KCNN3: variants seen among roughly 807,000 people sequenced by gnomAD.
KCNN3 encodes small conductance calcium-activated potassium channel protein 3.
In KCNN3, 16 loss-of-function variants were observed where a neutral mutation model predicts 62.9. The ratio of observed to expected loss-of-function variants is 0.25; its 90% CI spans 0.17 to 0.39. KCNN3 has a LOEUF of 0.39. KCNN3 is among the 10% of genes least tolerant of loss of function. The pLI, the probability that KCNN3 is intolerant of heterozygous loss-of-function variation, is 1.00. For synonymous variants in KCNN3, 370 were observed against 389.2 expected (o/e 0.95, Z 0.58); for missense variants, 599 against 949.4 (o/e 0.63, Z 4.85).
At chr1:154,785,334 C>G (rs1320572197) in intron 2 of KCNN3, among the ~76,000 whole-genome samples, 9 of 152,096 alleles carry the variant, frequency 5.9e-5, no homozygotes, top group Non-Finnish European at 8.8e-5. Context: ...GATCTTTGAA[C>G]AGCCTAGGGA....
At position 154,840,300 on chromosome 1, in the gene KCNN3, T is replaced by TG. The variant is rs778518650; in HGVS notation, c.934-18117dup. 1.3e-4 allele frequency among the ~76,000 whole-genome samples: 20 copies of TG among 152,274 alleles called. No individual in the cohort carries two copies. The East Asian group carries it at 3.7e-3, about 28-fold the overall frequency. ...GCTATTAAAAGATCCACTGTGTTTTTGGGGTGGTAAAAAGAAATAGAAATC... is the reference window on the plus strand; with the variant it reads ...GCTATTAAAAGATCCACTGTGTTTTTGGGGGTGGTAAAAAGAAATAGAAATC... On this transcript the variant is annotated intron_variant, in intron 1 of 7. Transcript: ENST00000271915.
At chr1:154,710,523 C>T (rs543256870) in intron 7 of KCNN3, among the ~76,000 whole-genome samples, 37 of 152,306 alleles carry the variant, frequency 2.4e-4, no homozygotes, top group African/African-American at 7.2e-4. Context: ...GGGTTATTTA[C>T]GGCTTAGTTC....
intron 2 of KCNN3, among the ~76,000 whole-genome samples, chr1:154,790,049 C>A (rs1464389560): frequency 6.6e-6 from 1 of 152,184 alleles, no homozygotes; most frequent in Non-Finnish European, 1.5e-5. Flanking sequence ...GCTGGGACTA[C>A]AGGCATGCAC....
chr1:154,861,487 C>A (rs866872718), intron 1 of KCNN3, among the ~76,000 whole-genome samples: 39 of 152,182 alleles, frequency 2.6e-4, no homozygotes, highest in African/African-American at 8.9e-4. Flanking sequence ...CGGCAGCAAC[C>A]TGAAGCTGCC....
intron 1 of KCNN3, among the ~76,000 whole-genome samples, chr1:154,826,556 G>A (rs924465177): frequency 3.4e-5 from 4 of 119,120 alleles, no homozygotes; most frequent in East Asian, 2.6e-4. Context: ...CCATTGCCCC[G>A]CCTGTGTCCC....
In KCNN3 at chr1:154,809,088, C is replaced by A. The variant is rs1468067311; in HGVS notation, c.1029+13001G>T. ...CAGTGGTCATAGCCAGGCCCAGCTG[C>A]TGTGGCTGAGCAGTGTCTCTGAGAA... On this transcript the variant is annotated intron_variant, in intron 2 of 7. Transcript: ENST00000271915. This position sits in a 1 kb window ranked among gnomAD's most constrained non-coding sequence, Gnocchi z 4.3. Among the ~76,000 whole-genome samples the A allele has an allele frequency of 6.6e-6, 1 of 152,228 alleles. No individual in the cohort carries two copies.
At chr1:154,766,560 C>T (rs1648299005) in intron 3 of KCNN3, among the ~76,000 whole-genome samples, 1 of 149,856 alleles carries the variant, frequency 6.7e-6, no homozygotes, top group Non-Finnish European at 1.5e-5. Context: ...CCTGGCCCCA[C>T]TGTTCCCAGG....
intron 3 of KCNN3, among the ~76,000 whole-genome samples, chr1:154,747,735 C>T (rs1283838212): frequency 6.6e-6 from 1 of 152,202 alleles, no homozygotes; most frequent in Non-Finnish European, 1.5e-5. Context: ...AAACTGTTGG[C>T]TGATAGAAGA....
intron 3 of KCNN3, among the ~76,000 whole-genome samples, chr1:154,766,882 C>T (rs535344965): frequency 6.2e-4 from 94 of 152,036 alleles, no homozygotes; most frequent in African/African-American, 1.9e-3. Flanking sequence ...GGGGTTTCAC[C>T]GTGTTAGCCA....
intron 1 of KCNN3, among the ~76,000 whole-genome samples, chr1:154,852,116 C>T (rs1487467527): frequency 6.6e-6 from 1 of 152,210 alleles, no homozygotes; most frequent in Non-Finnish European, 1.5e-5. Flanking sequence ...ATTTTAAGTC[C>T]ATTTCATTTA....
chr1:154,758,770 A>G (rs1297681854), intron 3 of KCNN3, among the ~76,000 whole-genome samples: 1 of 149,518 alleles, frequency 6.7e-6, no homozygotes, highest in Non-Finnish European at 1.5e-5. Flanking sequence ...AGGAGTCTGT[A>G]TTAAATGGAA....
intron 2 of KCNN3, among the ~76,000 whole-genome samples, chr1:154,802,714 C>T (rs886273272): frequency 6.6e-6 from 1 of 152,178 alleles, no homozygotes; most frequent in Admixed American, 6.5e-5. Flanking sequence ...TTCATCAAAA[C>T]CCTCCAGCCA....
chr1:154,832,950 A>C (rs1463800077), intron 1 of KCNN3, among the ~76,000 whole-genome samples: 1 of 152,198 alleles, frequency 6.6e-6, no homozygotes, highest in Non-Finnish European at 1.5e-5. Flanking sequence ...CTATAACTTG[A>C]AATAATGTTG....
At chr1:154,794,076 TCTC>T (rs1353581956) in intron 2 of KCNN3, among the ~76,000 whole-genome samples, 2 of 152,220 alleles carry the variant, frequency 1.3e-5, no homozygotes, top group Admixed American at 6.5e-5. Context: ...GTTGTGCTCA[TCTC>T]CTTCTTGACA....
intron 1 of KCNN3, among the ~76,000 whole-genome samples, chr1:154,833,926 T>C (rs1166742951): frequency 1.3e-5 from 2 of 152,322 alleles, no homozygotes; most frequent in Admixed American, 6.5e-5. Flanking sequence ...AGGGAAATGG[T>C]CTGGAAAAAT....
intron 1 of KCNN3, chr1:154,859,565 C>T: frequency 1.1e-6 from 1 of 893,514 alleles, no homozygotes; most frequent in Admixed American, 1.7e-5. Context: ...GCAGCCTCTC[C>T]CTGCCTCCCT....
chr1:154,771,614 A>G (rs1648562021), intron 3 of KCNN3, among the ~76,000 whole-genome samples: 1 of 152,244 alleles, frequency 6.6e-6, no homozygotes, highest in African/African-American at 2.4e-5. Context: ...TTACTTCAGG[A>G]CTTCTCAGAG....
At chr1:154,755,585 AAAGAAGGG>A (rs1198955950) in intron 3 of KCNN3, among the ~76,000 whole-genome samples, 5 of 116,998 alleles carry the variant, frequency 4.3e-5, no homozygotes, top group East Asian at 3.1e-4. Context: ...AGAAAGAAAG[AAAGAAGGG>A]AGGGAGGGAG....
intron 3 of KCNN3, among the ~76,000 whole-genome samples, chr1:154,750,817 T>G (rs1647342812): frequency 6.6e-6 from 1 of 152,088 alleles, no homozygotes; most frequent in African/African-American, 2.4e-5. Context: ...CTGCATACAG[T>G]GGGATTCTCC....
Sources: gnomAD v4.1 joint callset for allele counts (sites outside exome capture counted in the v4.1 genomes callset) on GRCh38, gnomAD v4.1.1 for gene constraint, Gnocchi (gnomAD v3.1) non-coding constraint, MANE v1.5 for transcripts, NCBI Gene and HGNC (gene_info 2026-07-23, HGNC 2026-07-21) for gene names.